Variants in SV2C observed in about 807,000 individuals in gnomAD.
SV2C encodes the protein solute carrier family 22 member B3.
A neutral mutation model predicts 79.7 loss-of-function variants in SV2C; 49 were observed. The observed-to-expected ratio is 0.61, with a 90% CI of 0.49 to 0.78. SV2C has a LOEUF of 0.78. Among genes scored for constraint, SV2C ranks in the 30% least tolerant of loss-of-function variants. The pLI is 0.00. For synonymous variants in SV2C, 334 were observed against 333.2 expected, an observed-to-expected ratio of 1.00 and a Z score of -0.03; for missense variants, 833 against 912.9, an observed-to-expected ratio of 0.91 and a Z score of 1.13.
At chr5:75,901,315 G>C in the SV2C span, among the ~76,000 whole-genome samples, 2 of 152,194 alleles carry the variant, frequency 1.3e-5, no homozygotes, top group Admixed American at 6.5e-5. Flanking sequence ...ACAGGACCCT[G>C]AGCTGCAGGT....
chr5:75,977,208 C>T, the SV2C span, among the ~76,000 whole-genome samples: 2 of 152,108 alleles, frequency 1.3e-5, no homozygotes, highest in African/African-American at 4.8e-5. Context: ...AGAATGGAGT[C>T]CCTTGTGTTA....
chr5:76,324,895 C>T (rs1353179598), intron 12 of SV2C, among the ~76,000 whole-genome samples: 1 of 151,652 alleles, frequency 6.6e-6, no homozygotes, highest in Non-Finnish European at 1.5e-5. Flanking sequence ...TGGTGGTGTG[C>T]ACCTGTAGTC....
chr5:76,040,112 C>G, the SV2C span, among the ~76,000 whole-genome samples: 2 of 152,104 alleles, frequency 1.3e-5, no homozygotes. Flanking sequence ...TTAACTCTTT[C>G]ACATTAACTT....
intron 2 of SV2C, among the ~76,000 whole-genome samples, chr5:76,191,687 G>A (rs1330920749): frequency 6.6e-6 from 1 of 152,212 alleles, no homozygotes; most frequent in Non-Finnish European, 1.5e-5. Context: ...CAGCCTCCAT[G>A]TCAGAAAATA....
intron 2 of SV2C, among the ~76,000 whole-genome samples, chr5:76,170,322 C>T (rs570271295): frequency 0.025 from 3,148 of 126,274 alleles, 69 homozygotes; most frequent in Non-Finnish European, 0.038. Flanking sequence ...AAATTACTTC[C>T]CACATTCACA....
chr5:75,950,517 C>T, the SV2C span, among the ~76,000 whole-genome samples: 2 of 151,800 alleles, frequency 1.3e-5, no homozygotes, highest in African/African-American at 4.8e-5. Context: ...GAAGTTTTTC[C>T]TTGAGATGGC....
intron 12 of SV2C, among the ~76,000 whole-genome samples, chr5:76,349,641 C>T (rs994727994): frequency 1.3e-5 from 2 of 151,122 alleles, no homozygotes; most frequent in African/African-American, 2.4e-5. Context: ...CACAAGAACA[C>T]ATGGAAAGAG....
the SV2C span, among the ~76,000 whole-genome samples, chr5:75,973,306 C>T: frequency 2.6e-5 from 4 of 151,274 alleles, no homozygotes; most frequent in African/African-American, 9.7e-5. Flanking sequence ...GCACACGTAC[C>T]CTAAAACTTA....
chr5:75,888,881 G>A, the SV2C span, among the ~76,000 whole-genome samples: 1 of 152,004 alleles, frequency 6.6e-6, no homozygotes, highest in Non-Finnish European at 1.5e-5. Context: ...CACAGACTGG[G>A]TGGCTTAAAC....
intron 4 of SV2C, among the ~76,000 whole-genome samples, chr5:76,261,838 G>T (rs1746481107): frequency 1.3e-5 from 2 of 152,150 alleles, no homozygotes; most frequent in East Asian, 3.8e-4. Flanking sequence ...TGCTGGATTT[G>T]GTTTGACAGT....
At chr5:76,178,808 T>G (rs1456734060) in intron 2 of SV2C, among the ~76,000 whole-genome samples, 1 of 152,244 alleles carries the variant, frequency 6.6e-6, no homozygotes, top group African/African-American at 2.4e-5. Context: ...ACAAAAGGTC[T>G]CAAGTATGCC....
the SV2C span, among the ~76,000 whole-genome samples, chr5:75,953,181 GC>G: frequency 6.6e-6 from 1 of 151,924 alleles, no homozygotes; most frequent in East Asian, 1.9e-4. Context: ...GTTGGGAGGG[GC>G]CAGGCTCTTT....
the SV2C span, chr5:75,911,175 A>G: frequency 6.3e-7 from 1 of 1,593,776 alleles, no homozygotes; most frequent in South Asian, 1.1e-5. Context: ...CTGAGGAAGA[A>G]GAGCCTCTAC....
chr5:76,193,731 G>T (rs1744178864), intron 2 of SV2C, among the ~76,000 whole-genome samples: 1 of 152,142 alleles, frequency 6.6e-6, no homozygotes, highest in Non-Finnish European at 1.5e-5. Flanking sequence ...AAGACCCCCA[G>T]GCTTTAGTCA....
intron 1 of SV2C, among the ~76,000 whole-genome samples, chr5:76,130,337 A>G (rs1428394023): frequency 6.6e-6 from 1 of 152,158 alleles, no homozygotes; most frequent in Non-Finnish European, 1.5e-5. Flanking sequence ...GTAGGTATTC[A>G]GTGGGAATGA....
At chr5:75,935,221 A>G in the SV2C span, among the ~76,000 whole-genome samples, 1 of 152,226 alleles carries the variant, frequency 6.6e-6, no homozygotes, top group East Asian at 1.9e-4. Flanking sequence ...TATAAGAATT[A>G]AAACAACAAA....
intron 12 of SV2C, among the ~76,000 whole-genome samples, chr5:76,309,060 A>G (rs556593305): frequency 1.7e-4 from 26 of 152,286 alleles, no homozygotes; most frequent in African/African-American, 6.3e-4. Context: ...ATTGAGATCT[A>G]GTAGGTGATA....
chr5:76,023,324 G>T, the SV2C span, among the ~76,000 whole-genome samples: 1 of 152,266 alleles, frequency 6.6e-6, no homozygotes, highest in Admixed American at 6.5e-5. Flanking sequence ...ACTTTGCAAA[G>T]ACTTAAATAG....
intron 2 of SV2C, among the ~76,000 whole-genome samples, chr5:76,186,800 A>AG (rs1743933899): frequency 6.6e-6 from 1 of 151,340 alleles, no homozygotes; most frequent in Non-Finnish European, 1.5e-5. Context: ...ACAGCAGGAG[A>AG]ATGAGCACTG....
Sources: allele counts gnomAD v4.1 joint callset (sites outside exome capture counted in the v4.1 genomes callset), GRCh38; gene constraint gnomAD v4.1.1; transcripts MANE v1.5; gene names NCBI Gene and HGNC (gene_info 2026-07-23, HGNC 2026-07-21).